The following ASB11 variants were observed in gnomAD, a reference collection of about 807,000 sequenced individuals.
The protein encoded by ASB11 is ankyrin repeat and SOCS box protein 11.
ASB11 carries 17 observed loss-of-function variants against 20.1 expected under a neutral mutation model. The ratio of observed to expected loss-of-function variants is 0.85; its 90% confidence interval spans 0.58 to 1.27. The LOEUF (loss-of-function observed/expected upper bound fraction) is 1.27, where lower values mean the gene tolerates loss of function less well. Among genes scored for constraint, ASB11 ranks in the 50% most tolerant of loss-of-function variants. The pLI is 0.00. For synonymous variants in ASB11, 107 were observed against 105.6 expected (o/e 1.01, Z -0.08); for missense variants, 259 against 256.9 (o/e 1.01, Z -0.06).
Position 15,289,536 on chromosome X carries a change from C to T in ASB11, c.623G>A (p.Arg208Lys), listed in dbSNP as rs1927476243. The T allele has an allele frequency of 3.3e-6, 4 of 1,208,740 alleles. No homozygotes were observed. Among genetic ancestry groups the T allele is most frequent in the Non-Finnish European group, 3.4e-6 (3 of 893,598 alleles). The change falls in exon 5 of 7, where the codon AGG (arginine) becomes AAG (lysine). Residue 208 changes from arginine to lysine, a missense_variant. Physicochemically the swap from Arg to Lys is conservative, Grantham distance 26. Transcript: ENST00000480796. ...TAGAAGTTTCTTCACACAGTCTACC[C>T]TCTGGTAGGTGCAGGCCACATATAG... is the stretch of plus-strand genomic sequence containing the variant. ...TPLYVACTYQRVDCVKKLLEL... is the reference protein window; with the variant it reads ...TPLYVACTYQKVDCVKKLLEL...
rs1190505971 is a variant in ASB11 at position 15,289,661 on chromosome X, C to T, written c.521-23G>A. 7.6e-6 allele frequency: 9 copies of T among 1,189,871 alleles called. No homozygotes were observed. In the Admixed American group the frequency reaches 2.0e-4, roughly 27 times the overall value. On this transcript the variant is annotated intron_variant, in intron 4 of 6. Coordinates refer to ENST00000480796, the MANE Select transcript of ASB11 (RefSeq NM_080873.3). ...GACCTGGTGGAACACAAGATACCCT[C>T]ACTCAAGTAAGGGACATATTAAATA...
intron 6 of ASB11, among the ~76,000 whole-genome samples, chrX:15,287,338 T>C (rs1927414756): frequency 8.8e-6 from 1 of 113,143 alleles, no homozygotes; most frequent in African/African-American, 3.2e-5. Flanking sequence ...CTGGTTTTCT[T>C]TTTTTTGAGA....
chrX:15,287,737 G>A (rs1018737946), intron 6 of ASB11, 144 bp downstream of exon 6: 12 of 640,808 alleles, frequency 1.9e-5, no homozygotes, highest in African/African-American at 2.3e-5. Flanking sequence ...CAGAAGACAG[G>A]TCAGTGACGG....
At chrX:15,305,427 T>C (rs1921204174) in intron 1 of ASB11, among the ~76,000 whole-genome samples, 1 of 111,537 alleles carries the variant, frequency 9.0e-6, no homozygotes, top group South Asian at 3.7e-4. Context: ...AAACGCGCTA[T>C]CTAAAGGCAA....
At chrX:15,305,649 G>A (rs1056165971) in intron 1 of ASB11, among the ~76,000 whole-genome samples, 4 of 102,748 alleles carry the variant, frequency 3.9e-5, no homozygotes, top group Non-Finnish European at 8.1e-5. Flanking sequence ...AGAATCACTG[G>A]TGATCCCATA....
intron 1 of ASB11, among the ~76,000 whole-genome samples, chrX:15,313,407 C>CAA (rs1166420268): frequency 1.9e-5 from 2 of 107,667 alleles, no homozygotes; most frequent in Admixed American, 2.0e-4. Flanking sequence ...TCAAAACAAA[C>CAA]AAAAAAACAG....
At position 15,284,374 on chromosome X, in the gene ASB11, G is replaced by A. The variant is rs912068271; in HGVS notation, c.848-745C>T. 4.5e-5 allele frequency among the ~76,000 whole-genome samples: 5 copies of A among 111,283 alleles called. No individual in the cohort carries two copies. In the South Asian group the frequency reaches 1.1e-3, roughly 25 times the overall value. ...CAGCCACAGAACAGAGGGACAATAC[G>A]GAAAGGGTGTCAGCGGGAAGTTCCA... On this transcript the variant is annotated intron_variant, in intron 6 of 6. Coordinates refer to ENST00000480796, the MANE Select transcript of ASB11 (RefSeq NM_080873.3).
At chrX:15,290,294 A>G (rs1927500333) in intron 4 of ASB11, among the ~76,000 whole-genome samples, 1 of 111,334 alleles carries the variant, frequency 9.0e-6, no homozygotes, top group South Asian at 3.8e-4. Flanking sequence ...CCAGAGGGAC[A>G]AACGACTAGG....
chrX:15,310,613 G>C (rs991308307), intron 1 of ASB11, among the ~76,000 whole-genome samples: 2 of 112,366 alleles, frequency 1.8e-5, no homozygotes, highest in African/African-American at 6.5e-5. Flanking sequence ...AACCATTTGA[G>C]ATAAAAAACG....
At chrX:15,286,062 G>A (rs1040883435) in intron 6 of ASB11, among the ~76,000 whole-genome samples, 3 of 110,654 alleles carry the variant, frequency 2.7e-5, no homozygotes, top group Non-Finnish European at 5.7e-5. Flanking sequence ...TACGCAAAGT[G>A]TGGTCCTCAG....
At position 15,306,576 on chromosome X, in the gene ASB11, G is replaced by A. The variant is rs372905292; in HGVS notation, c.182-3769C>T. 9.1e-5 allele frequency among the ~76,000 whole-genome samples: 10 copies of A among 109,608 alleles called. No individual in the cohort carries two copies. In the East Asian group the frequency reaches 2.6e-3, roughly 28 times the overall value. On this transcript the variant is annotated intron_variant, in intron 1 of 6. Coordinates refer to ENST00000480796, the MANE Select transcript of ASB11 (RefSeq NM_080873.3). ...AAATTAGCCTGGCACGGTGGTAGGC[G>A]CCTGTAATCCCAGCTACTTGGGAGG...
Position 15,297,648 on chromosome X carries a change from C to T in ASB11, c.295G>A (p.Val99Met), listed in dbSNP as rs757138807. 1.7e-6 allele frequency: 2 copies of T among 1,208,877 alleles called. No individual in the cohort carries two copies. The highest frequency in any genetic ancestry group is 5.9e-5 in the East Asian group (2 of 33,672). The change falls in exon 3 of 7, where the codon GTG becomes ATG. Residue 99 changes from valine (V) to methionine (M), a missense_variant. Physicochemically the swap from Val to Met is conservative, Grantham distance 21. Transcript: ENST00000480796. ...VNVNLVTINRVSSLHEACLGG... is the reference protein window; with the variant it reads ...VNVNLVTINRMSSLHEACLGG... ...AGGCATGCCTCGTGGAGAGAAGACA[C>T]CCGGTTAATTGTCACAAGGTTCACA...
Position 15,284,088 on chromosome X carries a change from TA to T in ASB11, c.848-460del, listed in dbSNP as rs1207885998. On this transcript the variant is annotated intron_variant, in intron 6 of 6. Transcript: ENST00000480796. Reference sequence around the variant, plus strand: ...TAACACGGTGAAACCCCGTGTCCACTAAAAATACAAAAAATTAGCCGGGTGT... The same window carrying T: ...TAACACGGTGAAACCCCGTGTCCACTAAAATACAAAAAATTAGCCGGGTGT... Among the ~76,000 whole-genome samples the T allele has an allele frequency of 2.8e-5, 3 of 105,593 alleles. No homozygotes were observed. In the East Asian group the frequency reaches 9.2e-4, roughly 32 times the overall value. 91.7% of individuals were successfully genotyped at this position (105,593 alleles called of 115,157 possible).
At chrX:15,284,109 G>C (rs749463560) in intron 6 of ASB11, among the ~76,000 whole-genome samples, 2 of 107,247 alleles carry the variant, frequency 1.9e-5, no homozygotes, top group South Asian at 8.3e-4. Flanking sequence ...AAAATTAGCC[G>C]GGTGTGGTGG....
chrX:15,314,510 C>T (rs1482454210), intron 1 of ASB11: 1 of 1,187,179 alleles, frequency 8.4e-7, no homozygotes, highest in Non-Finnish European at 1.1e-6. Flanking sequence ...CCTTGGAGGT[C>T]TTATTTCTTT....
At chrX:15,293,568 ATTTCCAT>A (rs1482937488) in intron 3 of ASB11, among the ~76,000 whole-genome samples, 1 of 111,372 alleles carries the variant, frequency 9.0e-6, no homozygotes, top group East Asian at 2.8e-4. Flanking sequence ...AACAACAATT[ATTTCCAT>A]TTTCCATTTT....
At chrX:15,307,103 T>C (rs746234152) in intron 1 of ASB11, among the ~76,000 whole-genome samples, 85 of 112,593 alleles carry the variant, frequency 7.5e-4, no homozygotes, top group African/African-American at 2.4e-3. Context: ...ATTAAAAGAG[T>C]TAACATAGGT....
chrX:15,283,513 A>G lies in ASB11; in HGVS notation c.964T>C (p.Tyr322His), dbSNP rs754998397. 7 of 1,211,280 alleles carry G rather than the reference A, an allele frequency of 5.8e-6. No homozygotes were observed. Among genetic ancestry groups the G allele is most frequent in the Admixed American group, 2.2e-5 (1 of 46,014 alleles). Residue 322 changes from tyrosine (Y) to histidine (H), a missense_variant, in exon 7 of 7, where the codon TAC (tyrosine) becomes CAC (histidine). Physicochemically the swap from Tyr to His is moderately conservative, Grantham distance 83. Transcript: ENST00000480796. Reference protein sequence around the residue: ...LPEPLERFLLYQ With the variant: ...LPEPLERFLLHQ Reference sequence around the variant, plus strand: ...CCCAGGAACACTTAGGACTATTGGTATAGGAGGAATCGTTCGAGTGGCTCT... The same window carrying G: ...CCCAGGAACACTTAGGACTATTGGTGTAGGAGGAATCGTTCGAGTGGCTCT...
intron 6 of ASB11, 136 bp from the exon 7 acceptor site, chrX:15,283,765 G>A: frequency 1.4e-6 from 1 of 699,757 alleles, no homozygotes; most frequent in South Asian, 2.8e-5. Flanking sequence ...ACTATAGAAT[G>A]AGGTAGCGGA....
Sources: gnomAD v4.1 joint callset for allele counts (sites outside exome capture counted in the v4.1 genomes callset) on GRCh38, gnomAD v4.1.1 for gene constraint, MANE v1.5 for transcripts, NCBI Gene and HGNC (gene_info 2026-07-23, HGNC 2026-07-21) for gene names.